Variants in CELF2 observed in about 807,000 individuals in gnomAD.
CELF2 encodes the protein CUG triplet repeat RNA-binding protein 2.
Under a neutral mutation model 62.6 loss-of-function variants are expected in CELF2, and 8 were observed. The observed-to-expected ratio is 0.13, with a 90% CI of 0.07 to 0.23. The LOEUF (loss-of-function observed/expected upper bound fraction) is 0.23, where lower values mean the gene tolerates loss of function less well. Among genes scored for constraint, CELF2 ranks in the 10% least tolerant of loss-of-function variants. CELF2 has a pLI of 1.00. For missense variants in CELF2, 333 were observed against 671.0 expected, an observed-to-expected ratio of 0.50 and a Z score of 5.56; for synonymous variants, 258 against 250.0, an observed-to-expected ratio of 1.03 and a Z score of -0.30.
At chr10:10,586,770 C>A in the CELF2 span, among the ~76,000 whole-genome samples, 1 of 152,124 alleles carries the variant, frequency 6.6e-6, no homozygotes, top group Admixed American at 6.6e-5. Context: ...AACCCATCTC[C>A]AGCATTACTA....
intron 2 of CELF2, among the ~76,000 whole-genome samples, chr10:11,216,688 T>A (rs1252569513): frequency 6.6e-6 from 1 of 152,230 alleles, no homozygotes; most frequent in Non-Finnish European, 1.5e-5. Context: ...GGATATATGC[T>A]GGCCTGCGCG....
the CELF2 span, among the ~76,000 whole-genome samples, chr10:10,500,791 C>T: frequency 2.0e-5 from 3 of 152,174 alleles, no homozygotes; most frequent in African/African-American, 7.2e-5. Flanking sequence ...TACCCACTTG[C>T]CTCCTGCTCC....
the CELF2 span, among the ~76,000 whole-genome samples, chr10:10,661,142 C>T: frequency 6.6e-6 from 1 of 152,146 alleles, no homozygotes; most frequent in African/African-American, 2.4e-5. Flanking sequence ...TTCTCCAGTC[C>T]CAGAAACTCC....
At chr10:11,184,940 A>G (rs891579220) in intron 2 of CELF2, among the ~76,000 whole-genome samples, 1 of 152,210 alleles carries the variant, frequency 6.6e-6, no homozygotes, top group Non-Finnish European at 1.5e-5. Context: ...GAGAGCAGAC[A>G]TTATTATCAT....
the CELF2 span, among the ~76,000 whole-genome samples, chr10:10,569,365 A>G: frequency 6.6e-6 from 1 of 152,250 alleles, no homozygotes; most frequent in East Asian, 1.9e-4. Context: ...CCCTTATTAA[A>G]CCATCAGATC....
chr10:10,914,880 G>C (rs1221686913), intron 1 of CELF2, among the ~76,000 whole-genome samples: 1 of 152,136 alleles, frequency 6.6e-6, no homozygotes, highest in Non-Finnish European at 1.5e-5. Context: ...TATAATCCCA[G>C]CACTTTGGGA....
upstream of CELF2, among the ~76,000 whole-genome samples, chr10:10,797,481 C>A (rs1036482888): frequency 6.6e-6 from 1 of 151,978 alleles, no homozygotes; most frequent in Non-Finnish European, 1.5e-5. Context: ...TTATTCCCTG[C>A]ATTTGCCTTC....
rs2056728633 is a variant in CELF2, at chr10:11,117,111, G to C, written c.75-48375G>C. ...AGCCACTATGCTGTGCTGCTTCTGA[G>C]TAATACAAGGCAATGATTTGTAAAT... is the stretch of plus-strand genomic sequence containing the variant. On this transcript the variant is annotated intron_variant, in intron 1 of 12. Transcript: ENST00000633077. This position sits in a 1 kb window ranked among gnomAD's most constrained non-coding sequence, Gnocchi z 4.1. Among the ~76,000 whole-genome samples the C allele has an allele frequency of 6.6e-6, 1 of 152,184 alleles. No homozygotes were observed. Among genetic ancestry groups the C allele is most frequent in the Admixed American group, 6.5e-5 (1 of 15,278 alleles).
chr10:11,206,212 C>T (rs532245068), intron 2 of CELF2, among the ~76,000 whole-genome samples: 3 of 152,248 alleles, frequency 2.0e-5, no homozygotes, highest in Non-Finnish European at 4.4e-5. Flanking sequence ...GCTGATGCAT[C>T]GTCAAAGCAA....
chr10:11,157,387 T>TCC lies in CELF2; in HGVS notation c.75-8094_75-8093dup, dbSNP rs906205498. Among the ~76,000 whole-genome samples the TCC allele has an allele frequency of 8.1e-6, 1 of 124,136 alleles. No individual in the cohort carries two copies. Among genetic ancestry groups the TCC allele is most frequent in the Non-Finnish European group, 1.7e-5 (1 of 59,518 alleles). 81.4% of individuals were successfully genotyped at this position (124,136 alleles called of 152,430 possible). On this transcript the variant is annotated intron_variant, in intron 1 of 12. Coordinates refer to ENST00000633077, the MANE Select transcript of CELF2 (RefSeq NM_001326342.2). This position sits in a 1 kb window ranked among gnomAD's most constrained non-coding sequence, Gnocchi z 4.9. ...TGTCTTTTGACTTTGATATCCGCCC[T>TCC]CCCCCCACACACACACACACAAAAA...
rs1418991587 is a variant in CELF2, at chr10:11,331,487, A to C, written c.*2434A>C. 6.6e-6 allele frequency: 1 copy of C among 152,204 alleles called. No individual in the cohort carries two copies. The highest frequency in any genetic ancestry group is 1.5e-5 in the Non-Finnish European group (1 of 67,952). The allele number at this position is 152,204 out of a possible 1,614,324, so 9.4% of individuals were successfully genotyped here. On this transcript the variant is annotated 3_prime_UTR_variant, in exon 13 of 13. Coordinates refer to ENST00000633077, the MANE Select transcript of CELF2 (RefSeq NM_001326342.2). ...TTTCTTTTAAAGAAAAAAAGTGAAAATATATAGTGCCAAATTCCAAAGGTA... is the reference window on the plus strand; with the variant it reads ...TTTCTTTTAAAGAAAAAAAGTGAAACTATATAGTGCCAAATTCCAAAGGTA...
At chr10:10,579,534 T>C in the CELF2 span, among the ~76,000 whole-genome samples, 3 of 152,142 alleles carry the variant, frequency 2.0e-5, no homozygotes, top group Non-Finnish European at 4.4e-5. Context: ...TTATATACCA[T>C]TGGAGTTAGG....
At chr10:11,146,944 A>G (rs1376047629) in intron 1 of CELF2, among the ~76,000 whole-genome samples, 1 of 152,240 alleles carries the variant, frequency 6.6e-6, no homozygotes, top group Non-Finnish European at 1.5e-5. Context: ...AAAGAAGAAG[A>G]TGGAGCTGAT....
the CELF2 span, among the ~76,000 whole-genome samples, chr10:10,724,863 T>C: frequency 7.2e-5 from 11 of 152,178 alleles, no homozygotes; most frequent in Non-Finnish European, 1.5e-4. Context: ...ATTGATTTAA[T>C]GATTGTATCT....
Position 11,285,250 on chromosome 10 carries a change from TG to T in CELF2, c.842-3164del, listed in dbSNP as rs1316154143. ...TTTTGTCCTCACATCCCTCAGATGC[TG>T]GGGATCACAGTGTCCTCTCCTTTCC... is the stretch of plus-strand genomic sequence containing the variant. On this transcript the variant is annotated intron_variant, in intron 8 of 12. Coordinates refer to ENST00000633077, the MANE Select transcript of CELF2 (RefSeq NM_001326342.2). The surrounding 1 kb of genome is among the most constrained non-coding windows in gnomAD (Gnocchi z 4.3). Among the ~76,000 whole-genome samples the T allele has an allele frequency of 6.6e-6, 1 of 152,104 alleles. No homozygotes were observed. The highest frequency in any genetic ancestry group is 1.5e-5 in the Non-Finnish European group (1 of 68,000).
intron 2 of CELF2, among the ~76,000 whole-genome samples, chr10:10,989,928 T>C (rs1247160492): frequency 1.3e-5 from 2 of 152,116 alleles, no homozygotes; most frequent in East Asian, 3.8e-4. Flanking sequence ...AAGTAACAGG[T>C]CATCACTCAT....
intron 2 of CELF2, among the ~76,000 whole-genome samples, chr10:10,962,997 C>CTGTTTTGTTTTGTTT (rs57417707): frequency 6.3e-5 from 9 of 142,602 alleles, no homozygotes; most frequent in African/African-American, 1.3e-4. Context: ...TAAGGAAATT[C>CTGTTTTGTTTTGTTT]TGTTTTGTTT....
At chr10:11,003,281 C>A (rs1456856047), upstream of CELF2, among the ~76,000 whole-genome samples, 1 of 152,176 alleles carries the variant, frequency 6.6e-6, no homozygotes, top group African/African-American at 2.4e-5. This position sits in a 1 kb window ranked among gnomAD's most constrained non-coding sequence, Gnocchi z 4.4. Context: ...ATTTATTTCA[C>A]TGTAGGAACA....
At chr10:10,619,424 A>T in the CELF2 span, among the ~76,000 whole-genome samples, 1 of 152,240 alleles carries the variant, frequency 6.6e-6, no homozygotes, top group Admixed American at 6.5e-5. Context: ...ATGTGTAGAA[A>T]TAGAACATAG....
Sources: allele counts gnomAD v4.1 joint callset (sites outside exome capture counted in the v4.1 genomes callset), GRCh38; gene constraint gnomAD v4.1.1; non-coding constraint Gnocchi (gnomAD v3.1); transcripts MANE v1.5; gene names NCBI Gene and HGNC (gene_info 2026-07-23, HGNC 2026-07-21).